Variants in ARMC3 observed in about 807,000 individuals in gnomAD.
ARMC3 encodes armadillo repeat-containing protein 3.
In ARMC3, 74 loss-of-function variants were observed where a neutral mutation model predicts 90.3. That is an observed-to-expected ratio of 0.82 (90% CI 0.68 to 0.99). The LOEUF is 0.99. Among genes scored for constraint, ARMC3 ranks in the 50% least tolerant of loss-of-function variants. ARMC3 has a pLI of 0.00. For missense variants in ARMC3, 958 were observed against 1,042.8 expected (o/e 0.92, Z 1.12); for synonymous variants, 334 against 361.8 (o/e 0.92, Z 0.87).
chr10:22,946,510 T>A lies in ARMC3; in HGVS notation c.166+249T>A, dbSNP rs113582783. 7.2e-4 allele frequency: 200 copies of A among 278,850 alleles called. 1 individual carries two copies. The highest frequency in any genetic ancestry group is 4.2e-3 in the African/African-American group (191 of 45,180). The allele number at this position is 278,850 out of a possible 1,614,324, so 17.3% of individuals were successfully genotyped here. On this transcript the variant is annotated intron_variant, in intron 3 of 18. Transcript: ENST00000298032. ...AAAGTTTCATTGTAGTTTTAGAAAT[T>A]GTAAATGTCACAGAAGCTAAAAGAA...
intron 18 of ARMC3, among the ~76,000 whole-genome samples, chr10:23,036,999 C>T (rs933825304): frequency 1.3e-5 from 2 of 152,152 alleles, no homozygotes; most frequent in African/African-American, 2.4e-5. Flanking sequence ...TTCCAATCAC[C>T]CTCGCCATCT....
At chr10:23,019,793 C>A (rs975871617) in intron 16 of ARMC3, among the ~76,000 whole-genome samples, 2 of 152,184 alleles carry the variant, frequency 1.3e-5, no homozygotes, top group Non-Finnish European at 2.9e-5. Flanking sequence ...AATTCGCCTG[C>A]CTCTGCCTCC....
chr10:23,006,657 T>C (rs1837627958), intron 13 of ARMC3: 1 of 467,394 alleles, frequency 2.1e-6, no homozygotes, highest in Middle Eastern at 6.2e-4. Context: ...CAGCCGAGTG[T>C]AAAGCAATCG....
At chr10:23,009,650 C>G (rs1344560109) in intron 16 of ARMC3, among the ~76,000 whole-genome samples, 1 of 152,158 alleles carries the variant, frequency 6.6e-6, no homozygotes, top group Non-Finnish European at 1.5e-5. Flanking sequence ...AGGTGTGCAC[C>G]ACCATGCTCG....
At chr10:23,016,003 TCA>T (rs1334188709) in intron 16 of ARMC3, among the ~76,000 whole-genome samples, 4 of 151,842 alleles carry the variant, frequency 2.6e-5, no homozygotes, top group Non-Finnish European at 5.9e-5. Context: ...ATACACACAC[TCA>T]CACACACTCA....
At chr10:22,998,790 A>G (rs1244505130) in intron 11 of ARMC3, among the ~76,000 whole-genome samples, 10 of 152,248 alleles carry the variant, frequency 6.6e-5, no homozygotes, top group Admixed American at 5.2e-4. Context: ...ACAGCCCCAC[A>G]TGTCAACAGC....
chr10:23,012,342 C>T (rs1387550656), intron 16 of ARMC3, among the ~76,000 whole-genome samples: 3 of 152,008 alleles, frequency 2.0e-5, no homozygotes, highest in Non-Finnish European at 4.4e-5. Context: ...TTTTTTGGCC[C>T]TTGGTGCTAT....
At chr10:23,015,502 C>A (rs763388474) in intron 16 of ARMC3, among the ~76,000 whole-genome samples, 8 of 152,146 alleles carry the variant, frequency 5.3e-5, no homozygotes. Context: ...TGTATTCAGA[C>A]CAGTTTTCAT....
At chr10:22,929,246 A>C (rs1833831539) in intron 1 of ARMC3, among the ~76,000 whole-genome samples, 1 of 151,186 alleles carries the variant, frequency 6.6e-6, no homozygotes, top group Non-Finnish European at 1.5e-5. Flanking sequence ...AAAAAGAAAA[A>C]AAGAGAAGAG....
At chr10:22,990,639 G>A (rs1417153054) in intron 10 of ARMC3, among the ~76,000 whole-genome samples, 1 of 152,132 alleles carries the variant, frequency 6.6e-6, no homozygotes, top group Non-Finnish European at 1.5e-5. Context: ...GGAAACCAAG[G>A]CCCGGTGCTT....
intron 16 of ARMC3, among the ~76,000 whole-genome samples, chr10:23,021,361 CTGTTT>C (rs1421275975): frequency 6.6e-6 from 1 of 152,156 alleles, no homozygotes; most frequent in Non-Finnish European, 1.5e-5. Context: ...AATGGTAGTT[CTGTTT>C]TAAGTTCTTT....
chr10:22,938,791 AAAGC>A (rs749312571), intron 2 of ARMC3, among the ~76,000 whole-genome samples: 59 of 152,186 alleles, frequency 3.9e-4, no homozygotes, highest in African/African-American at 7.0e-4. Flanking sequence ...AAGAGAAAGA[AAAGC>A]AAGCAAGCAA....
intron 1 of ARMC3, among the ~76,000 whole-genome samples, chr10:22,930,771 CTATGGTAATTTCCT>C (rs1194867641): frequency 6.6e-6 from 1 of 152,138 alleles, no homozygotes; most frequent in Non-Finnish European, 1.5e-5. Flanking sequence ...TCTACTGAGA[CTATGGTAATTTCCT>C]TAAGGCTATG....
At chr10:22,978,178 T>C (rs952396637) in intron 8 of ARMC3, among the ~76,000 whole-genome samples, 7 of 152,258 alleles carry the variant, frequency 4.6e-5, no homozygotes, top group Non-Finnish European at 8.8e-5. Context: ...CCTGTATTTC[T>C]TGTTGTATTA....
intron 11 of ARMC3, among the ~76,000 whole-genome samples, chr10:23,001,644 G>A (rs1837296056): frequency 6.6e-6 from 1 of 152,180 alleles, no homozygotes; most frequent in East Asian, 1.9e-4. Context: ...CGGGTGGGCA[G>A]TGAGAAGACA....
intron 18 of ARMC3, among the ~76,000 whole-genome samples, chr10:23,035,146 C>T (rs892125873): frequency 3.3e-5 from 5 of 152,176 alleles, no homozygotes; most frequent in African/African-American, 1.2e-4. Context: ...CACCTTCTTG[C>T]TGTATCCTCA....
At chr10:22,943,792 G>T (rs1163966351) in intron 2 of ARMC3, among the ~76,000 whole-genome samples, 2 of 152,054 alleles carry the variant, frequency 1.3e-5, no homozygotes, top group African/African-American at 2.4e-5. Flanking sequence ...AATTAGCCAG[G>T]CATGGTGGTG....
chr10:22,961,974 T>C lies in ARMC3; in HGVS notation c.628T>C (p.Leu210=), dbSNP rs1835217324. The C allele has an allele frequency of 1.9e-6, 3 of 1,612,786 alleles. No homozygotes were observed. Among genetic ancestry groups the C allele is most frequent in the South Asian group, 1.1e-5 (1 of 90,948 alleles). ...GTCAGAATATCCAGTGATTCAGTTG[T>C]TGGCTCTCAAAACCTTAGGTGTTAT... ...LKSEYPVIQL[L]ALKTLGVIAN... The change falls in exon 7 of 19, where the codon TTG becomes CTG. Residue 210 remains leucine (L), a synonymous_variant. Transcript: ENST00000298032.
intron 16 of ARMC3, among the ~76,000 whole-genome samples, chr10:23,025,898 G>A (rs898982373): frequency 2.0e-5 from 3 of 152,034 alleles, no homozygotes; most frequent in Non-Finnish European, 4.4e-5. Context: ...AGGAATGAAA[G>A]AAGGAATTAT....
Sources: allele counts gnomAD v4.1 joint callset (sites outside exome capture counted in the v4.1 genomes callset), GRCh38; gene constraint gnomAD v4.1.1; transcripts MANE v1.5; gene names NCBI Gene and HGNC (gene_info 2026-07-23, HGNC 2026-07-21).